Variants in SYNE2 observed in about 807,000 individuals in gnomAD.
SYNE2 encodes spectrin repeat containing nuclear envelope protein 2.
Under a neutral mutation model 856.3 loss-of-function variants are expected in SYNE2, and 431 were observed. That is an observed-to-expected ratio of 0.50 (90% CI 0.47 to 0.55). The LOEUF (loss-of-function observed/expected upper bound fraction) is 0.55, where lower values mean the gene tolerates loss of function less well. Among genes scored for constraint, SYNE2 ranks in the 20% least tolerant of loss-of-function variants. The probability of loss-of-function intolerance (pLI) is 0.00; values close to 1 mark genes in which losing one functional copy is unlikely to be tolerated. For missense variants in SYNE2, 8,129 were observed against 8,023.2 expected (o/e 1.01, Z -0.50); for synonymous variants, 2,923 against 2,872.3 (o/e 1.02, Z -0.56).
chr14:63,996,412 G>A (rs368851882), intron 23 of SYNE2, among the ~76,000 whole-genome samples: 6 of 152,094 alleles, frequency 3.9e-5, no homozygotes, highest in African/African-American at 1.4e-4. Context: ...CATACCCCCA[G>A]GACAATTCCA....
At chr14:64,004,490 T>C (rs2096780876) in intron 30 of SYNE2, among the ~76,000 whole-genome samples, 1 of 152,070 alleles carries the variant, frequency 6.6e-6, no homozygotes, top group Non-Finnish European at 1.5e-5. Context: ...CCACCACGCC[T>C]GGCTAATTTT....
intron 1 of SYNE2, among the ~76,000 whole-genome samples, chr14:63,806,425 A>G (rs1403760242): frequency 6.6e-6 from 1 of 152,100 alleles, no homozygotes. Context: ...ATTTTGGCCT[A>G]AAGTTTTCTT....
intron 57 of SYNE2, among the ~76,000 whole-genome samples, chr14:64,085,755 A>G (rs1026669786): frequency 5.3e-5 from 8 of 152,180 alleles, no homozygotes; most frequent in Admixed American, 2.0e-4. Flanking sequence ...GGTTTTCTCT[A>G]ATGACTAATA....
intron 96 of SYNE2, among the ~76,000 whole-genome samples, chr14:64,183,916 A>G (rs2098474706): frequency 8.4e-6 from 1 of 118,722 alleles, no homozygotes; most frequent in Non-Finnish European, 1.7e-5. Flanking sequence ...GAAAGAAGGG[A>G]GAGGGGGCTC....
Position 64,167,369 on chromosome 14 carries a change from C to A in SYNE2, c.16742C>A (p.Thr5581Lys), listed in dbSNP as rs756879045. The A allele has an allele frequency of 6.2e-7, 1 of 1,614,078 alleles. No individual in the cohort carries two copies. The highest frequency in any genetic ancestry group is 8.5e-7 in the Non-Finnish European group (1 of 1,180,046). Reference sequence around the variant, plus strand: ...CGGCAATGGATTCGGGCCACGGCCACGGCACTGGAGCGCTGCAGGTTAGAA... The same window carrying A: ...CGGCAATGGATTCGGGCCACGGCCAAGGCACTGGAGCGCTGCAGGTTAGAA... ...MNRQWIRATA[T>K]ALERCSELQG... Residue 5581 changes from threonine to lysine, a missense_variant, in exon 91 of 116, where the codon ACG becomes AAG. This residue lies in a region of SYNE2 where 5,410 missense variants were observed against 5,284.8 expected (regional missense o/e 1.02). Transcript: ENST00000555002.
chr14:64,137,751 C>T (rs1349525859), intron 78 of SYNE2, 36 bp from the exon 79 acceptor site: 1 of 1,608,688 alleles, frequency 6.2e-7, no homozygotes. Context: ...ACTTTATTTT[C>T]TAAATAATTC....
rs2097893767 is a variant in SYNE2, at chr14:64,120,930, C to A, written c.13027C>A (p.Pro4343Thr). 1.9e-6 allele frequency: 3 copies of A among 1,613,956 alleles called. No homozygotes were observed. Among genetic ancestry groups the A allele is most frequent in the Non-Finnish European group, 2.5e-6 (3 of 1,179,948 alleles). ...GCCATTATGAAATGTTTTGCAGCAT[C>A]CTACCATTCTAAAGAAATCCTCAGA... is the stretch of plus-strand genomic sequence containing the variant. ...LQEKHSEDQH[P>T]TILKKSSEPE... The change falls in exon 68 of 116, where the codon CCT (proline) becomes ACT (threonine). Residue 4343 changes from proline (P) to threonine (T), a missense_variant. Around this residue, in one of 3 missense-constraint regions of SYNE2, gnomAD observed 5,410 missense variants for 5,284.8 expected, o/e 1.02. Transcript: ENST00000555002.
At chr14:64,150,291 CAAAAAAAAAAAAAAA>C (rs773488742) in intron 84 of SYNE2, among the ~76,000 whole-genome samples, 12 of 35,640 alleles carry the variant, frequency 3.4e-4, no homozygotes, top group South Asian at 1.6e-3. Context: ...GATTCTCTCT[CAAAAAAAAAAAAAAA>C]AAAAAAAAAA....
intron 8 of SYNE2, among the ~76,000 whole-genome samples, chr14:63,958,729 T>C (rs2096271115): frequency 6.6e-6 from 1 of 152,208 alleles, no homozygotes; most frequent in East Asian, 1.9e-4. Flanking sequence ...ATTATCTGTG[T>C]AAAGTATTTG....
At chr14:64,098,321 G>A (rs981738476) in intron 62 of SYNE2, 175 bp downstream of exon 62, 5 of 743,280 alleles carry the variant, frequency 6.7e-6, no homozygotes, top group African/African-American at 1.7e-5. Flanking sequence ...TCCTCAGGGT[G>A]TGCCTGTTCT....
chr14:63,916,229 AT>A (rs1384336352), intron 2 of SYNE2, among the ~76,000 whole-genome samples: 44 of 152,204 alleles, frequency 2.9e-4, no homozygotes, highest in African/African-American at 1.0e-3. Flanking sequence ...GTTGTCTGGA[AT>A]ATCTTTTTAT....
chr14:63,906,743 A>C (rs1205241992), intron 1 of SYNE2, among the ~76,000 whole-genome samples: 1 of 152,212 alleles, frequency 6.6e-6, no homozygotes, highest in Non-Finnish European at 1.5e-5. Flanking sequence ...TAATAGGACT[A>C]TTTTGCATGA....
chr14:63,919,972 G>GTTTTTTTGTTT (rs542061926), intron 2 of SYNE2, among the ~76,000 whole-genome samples: 6 of 110,616 alleles, frequency 5.4e-5, no homozygotes, highest in African/African-American at 2.3e-4. Flanking sequence ...TAAAAGGTAA[G>GTTTTTTTGTTT]TTTTTTTTTT....
intron 64 of SYNE2, among the ~76,000 whole-genome samples, chr14:64,104,698 G>T (rs1205519285): frequency 6.6e-6 from 1 of 152,018 alleles, no homozygotes; most frequent in East Asian, 1.9e-4. Flanking sequence ...TGATCCACCT[G>T]CCTTGGCCTC....
intron 2 of SYNE2, among the ~76,000 whole-genome samples, chr14:63,936,025 C>G (rs926038540): frequency 6.6e-6 from 1 of 152,152 alleles, no homozygotes; most frequent in Non-Finnish European, 1.5e-5. Context: ...CAGGTGCCCA[C>G]CACCATGCCT....
At chr14:63,855,855 AC>A in intron 1 of SYNE2, among the ~76,000 whole-genome samples, 1 of 152,294 alleles carries the variant, frequency 6.6e-6, no homozygotes, top group Non-Finnish European at 1.5e-5. Flanking sequence ...GTCCTCAATA[AC>A]TTGAATGAGT....
intron 95 of SYNE2, among the ~76,000 whole-genome samples, chr14:64,175,875 A>G (rs1251580844): frequency 1.3e-5 from 2 of 152,234 alleles, no homozygotes; most frequent in Non-Finnish European, 2.9e-5. Context: ...CCTGTGAATA[A>G]AGTATCTGAA....
In SYNE2 at chr14:64,073,967, G is replaced by A; in HGVS notation, c.10698-1G>A. The A allele has an allele frequency of 6.2e-7, 1 of 1,613,814 alleles. No individual in the cohort carries two copies. On this transcript the variant is annotated splice_acceptor_variant, in intron 52 of 115. Transcript: ENST00000555002. LOFTEE classifies it high-confidence loss of function. Reference sequence around the variant, plus strand: ...AATTATATTTTGACGTTCTCTTTTAGGCTTCTTCAGAAAGTTCAGAAAAAT... The same window carrying A: ...AATTATATTTTGACGTTCTCTTTTAAGCTTCTTCAGAAAGTTCAGAAAAAT...
chr14:64,206,527 G>A (rs2098606102), intron 100 of SYNE2, among the ~76,000 whole-genome samples: 1 of 148,558 alleles, frequency 6.7e-6, no homozygotes, highest in African/African-American at 2.5e-5. Context: ...AAAATTTTTT[G>A]AAAATGTTTT....
Sources: gnomAD v4.1 joint callset for allele counts (sites outside exome capture counted in the v4.1 genomes callset) on GRCh38, gnomAD v4.1.1 for gene constraint, gnomAD v4.1.1 regional missense constraint, MANE v1.5 for transcripts, NCBI Gene and HGNC (gene_info 2026-07-23, HGNC 2026-07-21) for gene names.